Variants in CMC1 observed in about 807,000 individuals in gnomAD.
CMC1 encodes the protein C-X9-C motif containing 1, also known as COX assembly mitochondrial protein homolog.
Under a neutral mutation model 14.1 loss-of-function variants are expected in CMC1, and 14 were observed. The ratio of observed to expected loss-of-function variants is 0.99; its 90% CI spans 0.66 to 1.55. CMC1 has a LOEUF of 1.55. CMC1 is among the 40% of genes most tolerant of loss of function. CMC1 has a pLI of 0.00. For synonymous variants in CMC1, 50 were observed against 38.4 expected, an observed-to-expected ratio of 1.30 and a Z score of -1.12; for missense variants, 127 against 123.8, an observed-to-expected ratio of 1.03 and a Z score of -0.12.
intron 1 of CMC1, among the ~76,000 whole-genome samples, chr3:28,246,965 A>G (rs973926142): frequency 1.3e-5 from 2 of 151,900 alleles, no homozygotes; most frequent in African/African-American, 4.8e-5. Flanking sequence ...TGAATTTATT[A>G]TTGGTATTTT....
At chr3:28,306,982 A>G (rs1486733416) in intron 2 of CMC1, among the ~76,000 whole-genome samples, 1 of 152,114 alleles carries the variant, frequency 6.6e-6, no homozygotes, top group Non-Finnish European at 1.5e-5. Context: ...ATGACTCATA[A>G]TTTTGTTGAA....
chr3:28,297,261 A>T (rs1420097810), intron 2 of CMC1: 1 of 152,006 alleles, frequency 6.6e-6, no homozygotes, highest in Non-Finnish European at 1.5e-5. Context: ...ATATTTAGAG[A>T]GGTTTAGTAA....
chr3:28,263,403 A>G (rs1699835692), intron 2 of CMC1, 23 bp downstream of exon 2: 15 of 1,429,818 alleles, frequency 1.0e-5, no homozygotes, highest in African/African-American at 1.4e-5. Context: ...TATTCATGTA[A>G]AGATCAAATT....
chr3:28,245,603 G>A (rs533635476), intron 1 of CMC1, among the ~76,000 whole-genome samples: 4 of 152,126 alleles, frequency 2.6e-5, no homozygotes, highest in African/African-American at 9.6e-5. Flanking sequence ...GTTTTTTTCC[G>A]GGAACTTAAT....
intron 1 of CMC1, among the ~76,000 whole-genome samples, chr3:28,256,718 A>T (rs971277313): frequency 6.6e-6 from 1 of 152,220 alleles, no homozygotes; most frequent in Admixed American, 6.5e-5. Flanking sequence ...TCATAGGCAA[A>T]CACCGACATG....
At chr3:28,260,118 G>C (rs1252701148) in intron 1 of CMC1, among the ~76,000 whole-genome samples, 1 of 151,992 alleles carries the variant, frequency 6.6e-6, no homozygotes, top group African/African-American at 2.4e-5. Flanking sequence ...TGGATTACAT[G>C]GTTTGAATTT....
At chr3:28,318,285 TTTAA>T (rs1703033446) in intron 3 of CMC1, 1 of 151,868 alleles carries the variant, frequency 6.6e-6, no homozygotes. Flanking sequence ...ACCTGCTCTT[TTTAA>T]AGACTCTGAT....
At chr3:28,294,690 A>T (rs1302553447) in intron 2 of CMC1, among the ~76,000 whole-genome samples, 1 of 152,122 alleles carries the variant, frequency 6.6e-6, no homozygotes, top group African/African-American at 2.4e-5. Context: ...CATTTTTATG[A>T]ATTAAAAAAA....
chr3:28,274,218 T>TTTTG lies in CMC1; in HGVS notation c.109+10839_109+10840insTTGT, dbSNP rs1331676612. ...TTTGTACTAAAGTGTTTTTGTTTTT[T>TTTTG]TCTTTTTTTTTTTTTTTGCAGTGGC... is the stretch of plus-strand genomic sequence containing the variant. On this transcript the variant is annotated intron_variant, in intron 2 of 3. Coordinates refer to ENST00000466830, the MANE Select transcript of CMC1 (RefSeq NM_182523.2). 2.3e-4 allele frequency among the ~76,000 whole-genome samples: 29 copies of TTTTG among 127,596 alleles called. 1 individual carries two copies. The East Asian group carries it at 4.4e-3, about 19-fold the overall frequency. 83.7% of individuals were successfully genotyped at this position (127,596 alleles called of 152,430 possible).
At position 28,258,997 on chromosome 3, in the gene CMC1, T is replaced by C. The variant is rs550273975; in HGVS notation, c.20-4294T>C. Among the ~76,000 whole-genome samples the C allele has an allele frequency of 2.4e-3, 370 of 152,254 alleles. 3 individuals carry two copies. The highest frequency in any genetic ancestry group is 6.8e-3 in the Middle Eastern group (2 of 294). The stretch of plus-strand genomic sequence containing the variant: ...AAATTATGCCAGCACTACGTCGTCT[T>C]GACTTCTGTAGTTTTGTAGTATGAC... On this transcript the variant is annotated intron_variant, in intron 1 of 3. Coordinates refer to ENST00000466830, the MANE Select transcript of CMC1 (RefSeq NM_182523.2).
rs1417317916 is a variant in CMC1, at chr3:28,319,887, T to A, written c.*258T>A. On this transcript the variant is annotated 3_prime_UTR_variant, in exon 4 of 4. Transcript: ENST00000466830. ...AACTATAGTTCTATAACAGTGATAC[T>A]GATTTTTTAGAGTTCAATATGGTCC... The A allele has an allele frequency of 1.2e-5, 3 of 258,782 alleles. No homozygotes were observed. Among genetic ancestry groups the A allele is most frequent in the Non-Finnish European group, 2.2e-5 (3 of 136,238 alleles). The allele number at this position is 258,782 out of a possible 1,614,324, so 16.0% of individuals were successfully genotyped here.
chr3:28,275,189 T>G (rs1451603523), intron 2 of CMC1, among the ~76,000 whole-genome samples: 1 of 152,164 alleles, frequency 6.6e-6, no homozygotes, highest in Non-Finnish European at 1.5e-5. Flanking sequence ...TTTTTGAGTT[T>G]TCTGTGTTTT....
intron 2 of CMC1, among the ~76,000 whole-genome samples, chr3:28,307,832 A>G (rs549563092): frequency 1.5e-4 from 23 of 152,334 alleles, no homozygotes; most frequent in Middle Eastern, 3.4e-3. Context: ...CTCAAGTGTG[A>G]CAGGTCTCAC....
intron 2 of CMC1, among the ~76,000 whole-genome samples, chr3:28,280,837 A>G (rs1700851102): frequency 6.6e-6 from 1 of 152,216 alleles, no homozygotes; most frequent in African/African-American, 2.4e-5. Context: ...CTAGTTAACA[A>G]TATATTGTAT....
intron 2 of CMC1, among the ~76,000 whole-genome samples, chr3:28,278,055 A>ATTGATGTGATTGTGTGC: frequency 6.6e-6 from 1 of 152,048 alleles, no homozygotes; most frequent in Non-Finnish European, 1.5e-5. Context: ...TGATTGTGTG[A>ATTGATGTGATTGTGTGC]TTGATGTGAT....
At chr3:28,313,152 G>A (rs960293713) in intron 2 of CMC1, among the ~76,000 whole-genome samples, 2 of 151,998 alleles carry the variant, frequency 1.3e-5, no homozygotes, top group African/African-American at 2.4e-5. Flanking sequence ...CACCGTGCCT[G>A]GCTTCAAAGA....
In CMC1 at chr3:28,309,820, A is replaced by G. The variant is rs75156376; in HGVS notation, c.110-6513A>G. On this transcript the variant is annotated intron_variant, in intron 2 of 3. Coordinates refer to ENST00000466830, the MANE Select transcript of CMC1 (RefSeq NM_182523.2). The stretch of plus-strand genomic sequence containing the variant: ...GCCTTTTCTCCTGCAGCTGATATTT[A>G]CCACACACACACACACACACACACA... 9.5e-3 allele frequency among the ~76,000 whole-genome samples: 913 copies of G among 95,764 alleles called. 11 individuals carry two copies. Among genetic ancestry groups the G allele is most frequent in the African/African-American group, 0.044 (854 of 19,222 alleles). The allele number at this position is 95,764 out of a possible 152,430, so 62.8% of individuals were successfully genotyped here.
intron 2 of CMC1, among the ~76,000 whole-genome samples, chr3:28,269,263 A>G (rs184813499): frequency 1.2e-4 from 19 of 152,286 alleles, no homozygotes; most frequent in African/African-American, 4.3e-4. Flanking sequence ...AGTGGTTCTC[A>G]ATTGTATGTG....
At chr3:28,315,491 G>GATGC (rs766098872) in intron 2 of CMC1, among the ~76,000 whole-genome samples, 27 of 152,156 alleles carry the variant, frequency 1.8e-4, no homozygotes, top group Non-Finnish European at 3.4e-4. Flanking sequence ...AAAGCAAAGG[G>GATGC]ATGCCTTGCT....
Sources: allele counts gnomAD v4.1 joint callset (sites outside exome capture counted in the v4.1 genomes callset), GRCh38; gene constraint gnomAD v4.1.1; transcripts MANE v1.5; gene names NCBI Gene and HGNC (gene_info 2026-07-23, HGNC 2026-07-21).